LYST: variants seen among roughly 807,000 people sequenced by gnomAD.
LYST encodes the protein lysosomal trafficking regulator.
Under a neutral mutation model 413.6 loss-of-function variants are expected in LYST, and 192 were observed. The observed-to-expected ratio is 0.46, with a 90% CI of 0.41 to 0.52. The LOEUF is 0.52. Ranked by LOEUF, LYST falls within the 20% of genes least tolerant of loss-of-function variation. The probability of loss-of-function intolerance (pLI) is 0.00; values close to 1 mark genes in which losing one functional copy is unlikely to be tolerated. For missense variants in LYST, 3,815 were observed against 4,499.9 expected, an observed-to-expected ratio of 0.85 and a Z score of 4.35; for synonymous variants, 1,525 against 1,567.3, an observed-to-expected ratio of 0.97 and a Z score of 0.64.
intron 50 of LYST, among the ~76,000 whole-genome samples, chr1:235,675,346 C>A (rs1231324613): frequency 2.0e-5 from 3 of 152,116 alleles, no homozygotes; most frequent in Non-Finnish European, 2.9e-5. Context: ...AAGTCTTAGC[C>A]AATTGAGTTA....
chr1:235,699,478 T>C (rs752944449), intron 45 of LYST, among the ~76,000 whole-genome samples: 3 of 152,246 alleles, frequency 2.0e-5, no homozygotes, highest in Non-Finnish European at 4.4e-5. Flanking sequence ...TAGTCTATCA[T>C]TGATGGGCAT....
chr1:235,716,633 T>A, intron 41 of LYST, 79 bp downstream of exon 41: 1 of 884,920 alleles, frequency 1.1e-6, no homozygotes, highest in Non-Finnish European at 1.9e-6. Context: ...AGTATAAATT[T>A]AAAATTAGGT....
chr1:235,804,062 A>C (rs1672542541), intron 7 of LYST, among the ~76,000 whole-genome samples: 1 of 152,224 alleles, frequency 6.6e-6, no homozygotes, highest in Non-Finnish European at 1.5e-5. Context: ...TGTAGGCACT[A>C]GTCATTTTTA....
chr1:235,812,282 T>C (rs1176330744), intron 4 of LYST, among the ~76,000 whole-genome samples: 1 of 152,054 alleles, frequency 6.6e-6, no homozygotes, highest in African/African-American at 2.4e-5. Context: ...GGTGGGCAGA[T>C]TACTTGAGGT....
At chr1:235,793,450 T>C (rs772255527) in intron 11 of LYST, 53 bp downstream of exon 11, 4 of 842,790 alleles carry the variant, frequency 4.7e-6, no homozygotes, top group South Asian at 3.1e-5. Context: ...CTATTAAAAA[T>C]TGTAAGTGAA....
rs187603372 is a variant in LYST at position 235,696,338 on chromosome 1, T to C, written c.10564+745A>G. On this transcript the variant is annotated intron_variant, in intron 46 of 52. Coordinates refer to ENST00000389793, the MANE Select transcript of LYST (RefSeq NM_000081.4). ...CACAGTGCACAGAAGGTAATGGTAA[T>C]TGCCAGCAGTGCTGGCTGCTAACAG... Among the ~76,000 whole-genome samples the C allele has an allele frequency of 3.2e-4, 49 of 152,334 alleles. 1 individual carries two copies. Among genetic ancestry groups the C allele is most frequent in the Admixed American group, 3.0e-3 (46 of 15,298 alleles).
intron 28 of LYST, 53 bp downstream of exon 28, chr1:235,751,157 A>G: frequency 6.6e-7 from 1 of 1,519,626 alleles, no homozygotes; most frequent in Admixed American, 1.7e-5. Context: ...AGAACATAGG[A>G]AAGTCAAGCT....
At chr1:235,712,735 C>G (rs1456300950) in intron 42 of LYST, 1 of 984,624 alleles carries the variant, frequency 1.0e-6, no homozygotes, top group Non-Finnish European at 1.2e-6. Flanking sequence ...TTTTGGTGTT[C>G]TAACTCTGAG....
chr1:235,823,118 A>G (rs1431428340), intron 3 of LYST, among the ~76,000 whole-genome samples: 2 of 152,030 alleles, frequency 1.3e-5, no homozygotes, highest in East Asian at 3.8e-4. Context: ...ATCAACTGAT[A>G]TATTCATTGC....
intron 14 of LYST, among the ~76,000 whole-genome samples, chr1:235,783,275 GT>G (rs76048582): frequency 0.01 from 1,460 of 145,282 alleles, 23 homozygotes; most frequent in African/African-American, 0.033. Flanking sequence ...CTATTTTAAT[GT>G]TTTTTTTTTT....
At chr1:235,849,775 CAAAAAAA>C (rs57262471) in intron 1 of LYST, among the ~76,000 whole-genome samples, 14 of 61,830 alleles carry the variant, frequency 2.3e-4, no homozygotes, top group Non-Finnish European at 4.3e-4. Flanking sequence ...ACAATAGCTC[CAAAAAAA>C]AAAAAAAAAA....
At chr1:235,746,025 TG>T (rs1665890449) in intron 29 of LYST, among the ~76,000 whole-genome samples, 1 of 152,138 alleles carries the variant, frequency 6.6e-6, no homozygotes, top group South Asian at 2.1e-4. Flanking sequence ...TGGGGGAAAC[TG>T]GGTAAAGGGT....
chr1:235,726,522 T>A (rs1043805223), intron 38 of LYST, among the ~76,000 whole-genome samples: 1 of 152,128 alleles, frequency 6.6e-6, no homozygotes, highest in Admixed American at 6.5e-5. Context: ...AAAGGGGGCA[T>A]GAAATATTTG....
intron 28 of LYST, among the ~76,000 whole-genome samples, chr1:235,750,658 A>T (rs1666397548): frequency 6.6e-6 from 1 of 152,142 alleles, no homozygotes; most frequent in Non-Finnish European, 1.5e-5. Flanking sequence ...TTGTAGAAAA[A>T]ATAAGGAAGA....
Position 235,716,732 on chromosome 1 carries a change from G to A in LYST, c.9607C>T (p.Arg3203Cys), listed in dbSNP as rs1662871045. The A allele has an allele frequency of 6.3e-7, 1 of 1,595,888 alleles. No individual in the cohort carries two copies. The highest frequency in any genetic ancestry group is 8.6e-7 in the Non-Finnish European group (1 of 1,164,210). Residue 3203 changes from arginine (R) to cysteine (C), a missense_variant, in exon 41 of 53, where the codon CGT becomes TGT. This residue lies in a region of LYST where 866 missense variants were observed against 1,156.0 expected (regional missense o/e 0.75). Transcript: ENST00000389793. ...GCTACCTTGTATGTGTCCACATAAC[G>A]ATCTTCTTTTTCTTTATACTGAACA... ...IAVQYKEKED[R>C]YVDTYKYLEE...
chr1:235,851,720 A>T (rs1271080298), intron 1 of LYST, among the ~76,000 whole-genome samples: 1 of 152,054 alleles, frequency 6.6e-6, no homozygotes, highest in African/African-American at 2.4e-5. Context: ...ACTCTCGAGA[A>T]TACTGAAGCA....
intron 47 of LYST, among the ~76,000 whole-genome samples, chr1:235,687,857 ATCCTCAGGCT>A (rs1418376091): frequency 6.6e-6 from 1 of 152,184 alleles, no homozygotes; most frequent in African/African-American, 2.4e-5. Context: ...GCCTTGCCTC[ATCCTCAGGCT>A]TCCTCAGAAA....
intron 1 of LYST, among the ~76,000 whole-genome samples, chr1:235,862,055 T>C (rs959386231): frequency 2.0e-5 from 3 of 152,228 alleles, no homozygotes; most frequent in African/African-American, 7.2e-5. Flanking sequence ...GAGTCACTCA[T>C]GCTGAAGTTC....
chr1:235,840,210 T>G (rs1047133511), intron 1 of LYST: 1 of 152,198 alleles, frequency 6.6e-6, no homozygotes, highest in African/African-American at 2.4e-5. Flanking sequence ...TAGGGTACTA[T>G]GTACTGCTAA....
Sources: gnomAD v4.1 joint callset for allele counts (sites outside exome capture counted in the v4.1 genomes callset) on GRCh38, gnomAD v4.1.1 for gene constraint, gnomAD v4.1.1 regional missense constraint, MANE v1.5 for transcripts, NCBI Gene and HGNC (gene_info 2026-07-23, HGNC 2026-07-21) for gene names.